PHLPP1: variants seen among roughly 807,000 people sequenced by gnomAD.
The protein encoded by PHLPP1 is PH domain and leucine rich repeat protein phosphatase 1.
Under a neutral mutation model 117.2 loss-of-function variants are expected in PHLPP1, and 42 were observed. The ratio of observed to expected loss-of-function variants is 0.36; its 90% CI spans 0.28 to 0.46. The LOEUF is 0.46. Ranked by LOEUF, PHLPP1 falls within the 20% of genes least tolerant of loss-of-function variation. The pLI is 1.00. For missense variants in PHLPP1, 2,084 were observed against 2,241.9 expected, an observed-to-expected ratio of 0.93 and a Z score of 1.42; for synonymous variants, 1,042 against 970.7, an observed-to-expected ratio of 1.07 and a Z score of -1.37.
chr18:62,735,310 C>CT (rs1179032309), intron 1 of PHLPP1, among the ~76,000 whole-genome samples: 11 of 152,038 alleles, frequency 7.2e-5, no homozygotes, highest in African/African-American at 2.7e-4. Context: ...TCTCAAACTC[C>CT]TTAGTTCAAG....
chr18:62,915,773 G>A (rs1599118364), intron 9 of PHLPP1, among the ~76,000 whole-genome samples: 1 of 152,166 alleles, frequency 6.6e-6, no homozygotes, highest in Non-Finnish European at 1.5e-5. Context: ...GGCCAGTATG[G>A]TATCCACTGG....
At chr18:62,745,960 T>C (rs897488054) in intron 1 of PHLPP1, among the ~76,000 whole-genome samples, 1 of 152,230 alleles carries the variant, frequency 6.6e-6, no homozygotes, top group African/African-American at 2.4e-5. Context: ...TGCTGACCAC[T>C]GGATTTCTTT....
Position 62,979,533 on chromosome 18 carries a change from C to T in PHLPP1, c.*102C>T. 7.7e-7 allele frequency: 1 copy of T among 1,290,746 alleles called. No individual in the cohort carries two copies. Among genetic ancestry groups the T allele is most frequent in the Non-Finnish European group, 1.1e-6 (1 of 947,288 alleles). The allele number at this position is 1,290,746 out of a possible 1,614,324, so 80.0% of individuals were successfully genotyped here. On this transcript the variant is annotated 3_prime_UTR_variant, in exon 17 of 17. Transcript: ENST00000262719. ...AGGGGTTTTACTCCACATCCTTCCCCCAGACACTGTTCCCAACCTGTCATC... is the reference window on the plus strand; with the variant it reads ...AGGGGTTTTACTCCACATCCTTCCCTCAGACACTGTTCCCAACCTGTCATC...
At chr18:62,825,220 A>C (rs1011360585) in intron 1 of PHLPP1, among the ~76,000 whole-genome samples, 1 of 151,784 alleles carries the variant, frequency 6.6e-6, no homozygotes, top group African/African-American at 2.4e-5. Flanking sequence ...CAGCCTCCCA[A>C]AGTGCTAGGA....
rs181708736 is a variant in PHLPP1 at position 62,815,092 on chromosome 18, A to C, written c.1577-14943A>C. Among the ~76,000 whole-genome samples, 18 of 150,820 alleles carry C rather than the reference A, an allele frequency of 1.2e-4. No individual in the cohort carries two copies. The East Asian group carries it at 3.5e-3, about 29-fold the overall frequency. ...GATCAGGGTCCATCTTGAAGTTTGC[A>C]GTCTGGCCCTAGGGGCTGGAGTTCT... On this transcript the variant is annotated intron_variant, in intron 1 of 16. Coordinates refer to ENST00000262719, the MANE Select transcript of PHLPP1 (RefSeq NM_194449.4).
At position 62,945,209 on chromosome 18, in the gene PHLPP1, G is replaced by A. The variant is rs150696305; in HGVS notation, c.3262G>A (p.Val1088Met). ...CATGAATTGCAGGCGCATGCACACCGTGATTGCTCACTCCAACTGCATCGA... is the reference window on the plus strand; with the variant it reads ...CATGAATTGCAGGCGCATGCACACCATGATTGCTCACTCCAACTGCATCGA... Reference protein sequence around the residue: ...TIMNCRRMHTVIAHSNCIEVF... With the variant: ...TIMNCRRMHTMIAHSNCIEVF... The change falls in exon 12 of 17, where the codon GTG (valine) becomes ATG (methionine). Residue 1088 changes from valine (V) to methionine (M), a missense_variant. By Grantham distance (21) the Val-to-Met change is conservative. Around this residue, in one of 2 missense-constraint regions of PHLPP1, gnomAD observed 1,365 missense variants for 1,605.9 expected, o/e 0.85. Transcript: ENST00000262719. 4.0e-4 allele frequency: 647 copies of A among 1,612,858 alleles called. 10 individuals carry two copies. In the East Asian group the frequency reaches 0.011, roughly 28 times the overall value.
At chr18:62,744,391 C>G (rs1031085575) in intron 1 of PHLPP1, among the ~76,000 whole-genome samples, 4 of 152,216 alleles carry the variant, frequency 2.6e-5, no homozygotes, top group African/African-American at 9.7e-5. Flanking sequence ...CATGTTTTCT[C>G]CAAGCTGGTA....
At chr18:62,770,043 C>A (rs147511006) in intron 1 of PHLPP1, among the ~76,000 whole-genome samples, 1 of 152,302 alleles carries the variant, frequency 6.6e-6, no homozygotes, top group East Asian at 1.9e-4. Context: ...TTAGCATCAT[C>A]AATCTAGTGA....
chr18:62,925,305 C>T (rs766606837), intron 10 of PHLPP1, among the ~76,000 whole-genome samples: 8 of 152,090 alleles, frequency 5.3e-5, no homozygotes, highest in Non-Finnish European at 4.4e-5. Flanking sequence ...TTAACAAAGC[C>T]GAAAATGGAC....
chr18:62,749,995 G>A (rs920924817), intron 1 of PHLPP1, among the ~76,000 whole-genome samples: 3 of 152,062 alleles, frequency 2.0e-5, no homozygotes, highest in East Asian at 1.9e-4. Context: ...CAGCCTGGGC[G>A]ACAGAGCGAG....
At chr18:62,851,453 T>C (rs1223711366) in intron 3 of PHLPP1, among the ~76,000 whole-genome samples, 1 of 152,184 alleles carries the variant, frequency 6.6e-6, no homozygotes, top group Non-Finnish European at 1.5e-5. Context: ...CAGAATACCA[T>C]CTCTCATATT....
In PHLPP1 at chr18:62,787,030, C is replaced by T. The variant is rs140486373; in HGVS notation, c.1577-43005C>T. Among the ~76,000 whole-genome samples the T allele has an allele frequency of 6.4e-3, 977 of 152,134 alleles. 9 individuals carry two copies. The highest frequency in any genetic ancestry group is 0.017 in the Middle Eastern group (5 of 294). ...CCTCTAAAGCGTGCATGCATTCATT[C>T]ATTTATTTATTTATTTAGAGACGGA... On this transcript the variant is annotated intron_variant, in intron 1 of 16. Coordinates refer to ENST00000262719, the MANE Select transcript of PHLPP1 (RefSeq NM_194449.4).
intron 12 of PHLPP1, among the ~76,000 whole-genome samples, chr18:62,945,482 A>G (rs1047739712): frequency 3.3e-5 from 5 of 152,232 alleles, no homozygotes; most frequent in African/African-American, 7.2e-5. Context: ...AGGTTTTGGG[A>G]AAATTGGATT....
At chr18:62,938,308 G>A (rs1191668371) in intron 10 of PHLPP1, among the ~76,000 whole-genome samples, 1 of 152,176 alleles carries the variant, frequency 6.6e-6, no homozygotes, top group Non-Finnish European at 1.5e-5. Flanking sequence ...TTGCAAGGTT[G>A]AAAGCAGAGA....
chr18:62,943,145 G>A (rs568150062), intron 11 of PHLPP1, among the ~76,000 whole-genome samples: 3 of 152,236 alleles, frequency 2.0e-5, no homozygotes, highest in Admixed American at 6.5e-5. Context: ...CCAGTGACCC[G>A]TGCCAGGTGT....
chr18:62,816,470 G>A (rs1914277981), intron 1 of PHLPP1, among the ~76,000 whole-genome samples: 1 of 152,146 alleles, frequency 6.6e-6, no homozygotes, highest in South Asian at 2.1e-4. Flanking sequence ...AGGAGGCTAA[G>A]GCAGGAGAAT....
At chr18:62,835,188 T>C (rs7240695) in intron 2 of PHLPP1, among the ~76,000 whole-genome samples, 127 of 152,020 alleles carry the variant, frequency 8.4e-4, no homozygotes, top group African/African-American at 2.9e-3. Context: ...TAGATACTTA[T>C]CAATGATCCT....
intron 4 of PHLPP1, among the ~76,000 whole-genome samples, chr18:62,861,862 T>C (rs1915640178): frequency 6.6e-6 from 1 of 152,232 alleles, no homozygotes; most frequent in Non-Finnish European, 1.5e-5. Context: ...AAATGGAATC[T>C]AAAACCCTAT....
intron 4 of PHLPP1, among the ~76,000 whole-genome samples, chr18:62,880,415 G>A (rs866871576): frequency 3.9e-5 from 6 of 152,190 alleles, no homozygotes; most frequent in Middle Eastern, 3.4e-3. Flanking sequence ...ACTTGAGTGG[G>A]ATTTTATCCA....
Sources: allele counts gnomAD v4.1 joint callset (sites outside exome capture counted in the v4.1 genomes callset), GRCh38; gene constraint gnomAD v4.1.1; regional missense constraint gnomAD v4.1.1; transcripts MANE v1.5; gene names NCBI Gene and HGNC (gene_info 2026-07-23, HGNC 2026-07-21).